CNOT1: variants seen among roughly 807,000 people sequenced by gnomAD.
CNOT1 encodes CCR4-NOT transcription complex subunit 1.
Under a neutral mutation model 273.8 loss-of-function variants are expected in CNOT1, and 15 were observed. The ratio of observed to expected loss-of-function variants is 0.05; its 90% CI spans 0.04 to 0.08. The LOEUF is 0.08. Among genes scored for constraint, CNOT1 ranks in the 10% least tolerant of loss-of-function variants. The probability of loss-of-function intolerance (pLI) is 1.00; values close to 1 mark genes in which losing one functional copy is unlikely to be tolerated. For synonymous variants in CNOT1, 1,022 were observed against 1,005.5 expected (o/e 1.02, Z -0.31); for missense variants, 1,644 against 2,912.2 (o/e 0.56, Z 10.02).
At chr16:58,624,359 C>T (rs1253478781) in intron 1 of CNOT1, among the ~76,000 whole-genome samples, 2 of 152,212 alleles carry the variant, frequency 1.3e-5, no homozygotes, top group African/African-American at 4.8e-5. Context: ...AAAAAATTAT[C>T]CTACATGGTT....
intron 14 of CNOT1, 98 bp downstream of exon 14, chr16:58,576,365 C>A: frequency 6.5e-7 from 1 of 1,536,816 alleles, no homozygotes; most frequent in African/African-American, 1.4e-5. Context: ...CCCACCTCAG[C>A]CTCCCAAAGT....
At position 58,580,821 on chromosome 16, in the gene CNOT1, T is replaced by C. The variant is rs371245945; in HGVS notation, c.1216-61A>G. ...TTGTGAATGCTATAAAAATCTGAAATGTTTTCACTAGGCTATTGTCAATCT... is the reference window on the plus strand; with the variant it reads ...TTGTGAATGCTATAAAAATCTGAAACGTTTTCACTAGGCTATTGTCAATCT... On this transcript the variant is annotated intron_variant, in intron 11 of 48. Coordinates refer to ENST00000317147, the MANE Select transcript of CNOT1 (RefSeq NM_016284.5). 4.7e-6 allele frequency: 7 copies of C among 1,486,262 alleles called. No individual in the cohort carries two copies. In the East Asian group the frequency reaches 1.4e-4, roughly 30 times the overall value. 92.1% of individuals were successfully genotyped at this position (1,486,262 alleles called of 1,614,324 possible).
intron 46 of CNOT1, 121 bp downstream of exon 46, chr16:58,525,058 T>A (rs1453452577): frequency 2.2e-6 from 2 of 904,382 alleles, no homozygotes; most frequent in African/African-American, 3.3e-5. Context: ...GACCTGTGAA[T>A]AAATATACTG....
rs2039972981 is a variant in CNOT1, at chr16:58,537,963, T to C, written c.5342A>G (p.Glu1781Gly). 6.2e-7 allele frequency: 1 copy of C among 1,614,174 alleles called. No individual in the cohort carries two copies. Among genetic ancestry groups the C allele is most frequent in the Non-Finnish European group, 8.5e-7 (1 of 1,180,026 alleles). The change falls in exon 38 of 49, where the codon GAG (glutamate) becomes GGG (glycine). Residue 1781 changes from glutamate (E) to glycine (G), a missense_variant. By Grantham distance (98) the Glu-to-Gly change is moderately conservative (BLOSUM62 -2). Around this residue, in one of 13 missense-constraint regions of CNOT1, gnomAD observed 170 missense variants for 273.1 expected, o/e 0.62. Transcript: ENST00000317147. ...TTCAATGGTGTGGAACAGATCTGCC[T>C]CAGTAACATGAGCAACACTCCTTTC... ...VDERSVAHVT[E>G]ADLFHTIETL... is the part of the protein sequence containing the mutation.
intron 1 of CNOT1, among the ~76,000 whole-genome samples, chr16:58,610,760 G>A (rs1307163351): frequency 3.3e-5 from 5 of 149,724 alleles, no homozygotes; most frequent in Admixed American, 3.3e-4. Flanking sequence ...GGAGAATGGC[G>A]TGAACCCAGG....
chr16:58,558,040 G>A (rs527950645), intron 18 of CNOT1, among the ~76,000 whole-genome samples: 2 of 152,180 alleles, frequency 1.3e-5, no homozygotes, highest in African/African-American at 4.8e-5. Flanking sequence ...AATGTTTTTG[G>A]GATGTCCTAT....
intron 43 of CNOT1, among the ~76,000 whole-genome samples, chr16:58,529,840 CAAAAAAAAAAAAA>C (rs58854069): frequency 5.8e-5 from 4 of 69,360 alleles, no homozygotes; most frequent in Non-Finnish European, 8.2e-5. Flanking sequence ...GACTCTGTCT[CAAAAAAAAAAAAA>C]AAAAAAAAAA....
intron 16 of CNOT1, among the ~76,000 whole-genome samples, chr16:58,562,245 T>A (rs979551591): frequency 6.6e-6 from 1 of 150,574 alleles, no homozygotes; most frequent in Non-Finnish European, 1.5e-5. Context: ...ACACCTGTAA[T>A]CCCAGCACTT....
intron 1 of CNOT1, among the ~76,000 whole-genome samples, chr16:58,616,571 T>C (rs937679946): frequency 1.9e-4 from 29 of 152,210 alleles, no homozygotes; most frequent in Non-Finnish European, 3.5e-4. Flanking sequence ...TTTTCGTTTT[T>C]TGTTTTTAAA....
intron 22 of CNOT1, 139 bp from the exon 23 acceptor site, chr16:58,551,958 C>G (rs2040463553): frequency 1.9e-6 from 2 of 1,071,070 alleles, no homozygotes; most frequent in African/African-American, 3.2e-5. Flanking sequence ...GCCCCATACC[C>G]TGGCACTAAT....
At chr16:58,601,575 C>T (rs542003093) in intron 1 of CNOT1, among the ~76,000 whole-genome samples, 142 of 152,116 alleles carry the variant, frequency 9.3e-4, no homozygotes, top group African/African-American at 3.3e-3. Flanking sequence ...CTTTAAAAGG[C>T]CATTTAAAAC....
rs770183502 is a variant in CNOT1, at chr16:58,530,366, CAT to C, written c.6178-21_6178-20del. ...GCCACCCCTGAAAGAAAGAAATGTA[CAT>C]GAGTCATAATTATACTCAGCTGTTT... is the stretch of plus-strand genomic sequence containing the variant. On this transcript the variant is annotated intron_variant, in intron 42 of 48. Transcript: ENST00000317147. The C allele has an allele frequency of 4.4e-6, 7 of 1,580,718 alleles. No homozygotes were observed. The highest frequency in any genetic ancestry group is 2.7e-5 in the African/African-American group (2 of 74,214).
At chr16:58,582,551 T>C (rs537260003) in intron 10 of CNOT1, among the ~76,000 whole-genome samples, 1 of 152,244 alleles carries the variant, frequency 6.6e-6, no homozygotes, top group Admixed American at 6.5e-5. Context: ...AAGATAATTA[T>C]GATTTTCACT....
intron 42 of CNOT1, chr16:58,530,580 C>T (rs947917447): frequency 1.3e-5 from 4 of 306,004 alleles, no homozygotes; most frequent in Middle Eastern, 8.5e-4. Flanking sequence ...GTCAGGAGTT[C>T]GAGACCAGCC....
intron 40 of CNOT1, among the ~76,000 whole-genome samples, chr16:58,533,847 T>C (rs1020490074): frequency 6.6e-6 from 1 of 151,920 alleles, no homozygotes; most frequent in African/African-American, 2.4e-5. Context: ...ACCACTGATG[T>C]GGCCAGGCAT....
At chr16:58,607,920 C>T (rs2042746205) in intron 1 of CNOT1, among the ~76,000 whole-genome samples, 1 of 151,732 alleles carries the variant, frequency 6.6e-6, no homozygotes, top group South Asian at 2.1e-4. Context: ...ACCTGTAAAC[C>T]CAGCACTTTG....
At chr16:58,576,115 TTTC>T (rs1243351911) in intron 14 of CNOT1, among the ~76,000 whole-genome samples, 4 of 151,930 alleles carry the variant, frequency 2.6e-5, no homozygotes, top group South Asian at 2.1e-4. Flanking sequence ...TTTTTCCTTT[TTTC>T]TTTTTTTTTT....
intron 16 of CNOT1, among the ~76,000 whole-genome samples, chr16:58,566,418 T>C (rs190217703): frequency 5.9e-5 from 9 of 152,344 alleles, no homozygotes; most frequent in African/African-American, 1.4e-4. Flanking sequence ...AAGAAATTAA[T>C]TGAAACCTGG....
At chr16:58,543,491 T>C (rs763436829) in intron 31 of CNOT1, 116 bp downstream of exon 31, 5 of 1,538,804 alleles carry the variant, frequency 3.2e-6, no homozygotes, top group East Asian at 2.4e-5. Context: ...CAAACAAATA[T>C]GGTGATTATT....
Sources: allele counts gnomAD v4.1 joint callset (sites outside exome capture counted in the v4.1 genomes callset), GRCh38; gene constraint gnomAD v4.1.1; regional missense constraint gnomAD v4.1.1; transcripts MANE v1.5; gene names NCBI Gene and HGNC (gene_info 2026-07-23, HGNC 2026-07-21).